The following PAGE5 variants were observed in gnomAD, a reference collection of about 807,000 sequenced individuals.
PAGE5 encodes the protein P antigen family member 5.
In PAGE5, 8 loss-of-function variants were observed where a neutral mutation model predicts 8.1. The observed-to-expected ratio is 0.98, with a 90% CI of 0.58 to 1.77. The LOEUF (loss-of-function observed/expected upper bound fraction) is 1.77, where lower values mean the gene tolerates loss of function less well. PAGE5 is among the 40% of genes most tolerant of loss of function. The probability of loss-of-function intolerance (pLI) is 0.00; values close to 1 mark genes in which losing one functional copy is unlikely to be tolerated. For missense variants in PAGE5, 64 were observed against 77.6 expected, an observed-to-expected ratio of 0.82 and a Z score of 0.66; for synonymous variants, 30 against 27.0, an observed-to-expected ratio of 1.11 and a Z score of -0.35.
chrX:55,222,822 A>C, intron 4 of PAGE5, 76 bp downstream of exon 4: 1 of 1,066,848 alleles, frequency 9.4e-7, no homozygotes, highest in Non-Finnish European at 1.3e-6. Context: ...ACAGAGGTAA[A>C]ATTACTGCTA....
chrX:55,223,767 C>A (rs1454543857), intron 4 of PAGE5, among the ~76,000 whole-genome samples: 2 of 111,500 alleles, frequency 1.8e-5, no homozygotes, highest in Non-Finnish European at 3.8e-5. Flanking sequence ...CGAACAGTGT[C>A]TTTGTTATTC....
In PAGE5 at chrX:55,223,990, A is replaced by G; in HGVS notation, c.320A>G (p.Glu107Gly). 1 of 1,147,398 alleles carries G rather than the reference A, an allele frequency of 8.7e-7. No homozygotes were observed. Among genetic ancestry groups the G allele is most frequent in the East Asian group, 3.1e-5 (1 of 32,394 alleles). 94.6% of individuals were successfully genotyped at this position (1,147,398 alleles called of 1,213,427 possible). A position where few individuals can be genotyped will look rare whatever the true frequency, so the allele number is the denominator to read the frequency against. Reference sequence around the variant, plus strand: ...TAATTTTATATTTATATTATAGGTGAAGGGCAACTATAGGTTTAAACCAAG... The same window carrying G: ...TAATTTTATATTTATATTATAGGTGGAGGGCAACTATAGGTTTAAACCAAG... ...FDPTKVLEAG[E>G]GQL The change falls in exon 5 of 5, where the codon GAA becomes GGA. Residue 107 changes from glutamate (E) to glycine (G), a missense_variant. Glu to Gly is a moderately conservative substitution (Grantham distance 98, BLOSUM62 -2). Coordinates refer to ENST00000374955, the MANE Select transcript of PAGE5 (RefSeq NM_001013435.3).
chrX:55,221,915 G>T (rs1937898503), intron 3 of PAGE5, 40 bp downstream of exon 3: 2 of 1,136,072 alleles, frequency 1.8e-6, no homozygotes, highest in Admixed American at 2.5e-5. Flanking sequence ...GGGTGGTGGA[G>T]GTCTATTTAT....
intron 2 of PAGE5, 50 bp downstream of exon 2, chrX:55,221,513 A>C: frequency 8.7e-7 from 1 of 1,148,996 alleles, no homozygotes; most frequent in Non-Finnish European, 1.2e-6. Context: ...TTATTTTAAA[A>C]AATATTTTTG....
intron 3 of PAGE5, 117 bp from the exon 4 acceptor site, chrX:55,222,504 G>A (rs1305506099): frequency 1.2e-6 from 1 of 858,914 alleles, no homozygotes; most frequent in Non-Finnish European, 1.7e-6. Context: ...TCTGGCAACA[G>A]ACTTCTGAAA....
chrX:55,220,586 T>A (rs372900123), intron 1 of PAGE5, 134 bp downstream of exon 1: 1 of 1,190,345 alleles, frequency 8.4e-7, no homozygotes, highest in South Asian at 1.8e-5. Context: ...TCCTCCGCCT[T>A]CCCCCAGGTC....
chrX:55,222,747 G>A lies in PAGE5; in HGVS notation c.316+1G>A, dbSNP rs772368355. 2 of 1,207,213 alleles carry A rather than the reference G, an allele frequency of 1.7e-6. No individual in the cohort carries two copies. The highest frequency in any genetic ancestry group is 5.9e-5 in the East Asian group (2 of 33,793). On this transcript the variant is annotated splice_donor_variant, in intron 4 of 4. Transcript: ENST00000374955. LOFTEE classifies it high-confidence loss of function. ...GATCCCACTAAAGTGCTGGAAGCAG[G>A]TATGTTATTCAATAAGATGCAAATT...
Position 55,220,463 on chromosome X carries a change from A to T in PAGE5, c.-9+11A>T. 1.7e-6 allele frequency: 1 copy of T among 576,284 alleles called. No individual in the cohort carries two copies. Among genetic ancestry groups the T allele is most frequent in the Non-Finnish European group, 3.0e-6 (1 of 337,948 alleles). 47.5% of individuals were successfully genotyped at this position (576,284 alleles called of 1,213,427 possible). ...ACCGAGACTCAGCCGGTAGGTCTGC[A>T]GAGTGGTCTTCCTGGTAATTTAGTT... On this transcript the variant is annotated intron_variant, in intron 1 of 4. Coordinates refer to ENST00000374955, the MANE Select transcript of PAGE5 (RefSeq NM_001013435.3).
chrX:55,221,988 C>G (rs1937899494), intron 3 of PAGE5, 113 bp downstream of exon 3: 1 of 813,117 alleles, frequency 1.2e-6, no homozygotes, highest in Admixed American at 2.9e-5. Flanking sequence ...GAATCTTAAA[C>G]ATTTCTTACT....
At chrX:55,223,646 T>TA (rs1185448216) in intron 4 of PAGE5, among the ~76,000 whole-genome samples, 2 of 110,991 alleles carry the variant, frequency 1.8e-5, no homozygotes, top group African/African-American at 3.3e-5. Context: ...AAAAATATAT[T>TA]TTTTTCCTTA....
chrX:55,220,787 G>A (rs756161891), intron 1 of PAGE5: 2 of 646,372 alleles, frequency 3.1e-6, no homozygotes, highest in African/African-American at 2.3e-5. Context: ...TTAGGGATGC[G>A]AGAAGGGATG....
rs747562777 is a variant in PAGE5 at position 55,221,328 on chromosome X, G to T, written c.-8-47G>T. ...TTGCCATGGAATGTTCATATATATA[G>T]CTAAGTTCTTACACACTTTTTCCAA... is the stretch of plus-strand genomic sequence containing the variant. On this transcript the variant is annotated intron_variant, in intron 1 of 4. Transcript: ENST00000374955. The T allele has an allele frequency of 6.3e-6, 7 of 1,103,814 alleles. No homozygotes were observed. In the East Asian group the frequency reaches 2.1e-4, roughly 33 times the overall value. The allele number at this position is 1,103,814 out of a possible 1,213,427, so 91.0% of individuals were successfully genotyped here.
At chrX:55,221,266 A>C in intron 1 of PAGE5, 109 bp from the exon 2 acceptor site, 1 of 730,866 alleles carries the variant, frequency 1.4e-6, no homozygotes. Flanking sequence ...CTTAGTTTGA[A>C]AATATTTTCA....
intron 4 of PAGE5, among the ~76,000 whole-genome samples, chrX:55,222,987 G>A (rs943546902): frequency 9.0e-6 from 1 of 111,327 alleles, no homozygotes; most frequent in Non-Finnish European, 1.9e-5. Context: ...ACCACTTGAG[G>A]CCAGAACTTC....
chrX:55,220,545 G>T, intron 1 of PAGE5, 93 bp downstream of exon 1: 1 of 1,134,670 alleles, frequency 8.8e-7, no homozygotes, highest in Non-Finnish European at 1.2e-6. Context: ...GGCACAGTCC[G>T]TGGCTTTGAG....
chrX:55,220,396 C>T lies in PAGE5; in HGVS notation c.-65C>T, dbSNP rs923254501. ...GGAGAGGTTGTGTCTTCGTTCTTTC[C>T]GCCATCTTCGTTCTTTCCAACATCT... On this transcript the variant is annotated 5_prime_UTR_variant, in exon 1 of 5. Transcript: ENST00000374955. 1.1e-4 allele frequency: 47 copies of T among 428,932 alleles called. No individual in the cohort carries two copies. Among genetic ancestry groups the T allele is most frequent in the African/African-American group, 9.3e-4 (38 of 40,754 alleles). The allele number at this position is 428,932 out of a possible 1,213,427, so 35.3% of individuals were successfully genotyped here. A position where few individuals can be genotyped will look rare whatever the true frequency, so the allele number is the denominator to read the frequency against.
intron 1 of PAGE5, chrX:55,220,659 G>C: frequency 6.7e-6 from 8 of 1,196,213 alleles, no homozygotes; most frequent in Non-Finnish European, 9.0e-6. Context: ...AAGGTAGGCC[G>C]TGGAGGGGGT....
intron 4 of PAGE5, 52 bp downstream of exon 4, chrX:55,222,798 G>A: frequency 1.7e-6 from 2 of 1,143,857 alleles, no homozygotes; most frequent in South Asian, 1.9e-5. Context: ...TCACAATATT[G>A]TATTTTGTGT....
Position 55,220,369 on chromosome X carries a change from A to C in PAGE5, c.-92A>C, listed in dbSNP as rs1937872729. 4.9e-6 allele frequency: 2 copies of C among 405,935 alleles called. No individual in the cohort carries two copies. The highest frequency in any genetic ancestry group is 8.8e-6 in the Non-Finnish European group (2 of 227,021). The allele number at this position is 405,935 out of a possible 1,213,427, so 33.5% of individuals were successfully genotyped here. A position where few individuals can be genotyped will look rare whatever the true frequency, so the allele number is the denominator to read the frequency against. ...ACCTTCTGTCTAGGCAGAGCTCTGCAAGGAGAGGTTGTGTCTTCGTTCTTT... is the reference window on the plus strand; with the variant it reads ...ACCTTCTGTCTAGGCAGAGCTCTGCCAGGAGAGGTTGTGTCTTCGTTCTTT... On this transcript the variant is annotated 5_prime_UTR_variant, in exon 1 of 5. Coordinates refer to ENST00000374955, the MANE Select transcript of PAGE5 (RefSeq NM_001013435.3).
Sources: allele counts gnomAD v4.1 joint callset (sites outside exome capture counted in the v4.1 genomes callset), GRCh38; gene constraint gnomAD v4.1.1; transcripts MANE v1.5; gene names NCBI Gene and HGNC (gene_info 2026-07-23, HGNC 2026-07-21).